The following ACSS2 variants were observed in gnomAD, a reference collection of about 807,000 sequenced individuals.
ACSS2 encodes the protein acetyl-coenzyme A synthetase, cytoplasmic.
Under a neutral mutation model 90.6 loss-of-function variants are expected in ACSS2, and 58 were observed. That is an observed-to-expected ratio of 0.64 (90% CI 0.52 to 0.80). The LOEUF is 0.80. Among genes scored for constraint, ACSS2 ranks in the 30% least tolerant of loss-of-function variants. ACSS2 has a pLI of 0.00. For synonymous variants in ACSS2, 300 were observed against 330.9 expected (o/e 0.91, Z 1.01); for missense variants, 759 against 912.0 (o/e 0.83, Z 2.16).
rs1224684195 is a variant in ACSS2 at position 34,926,214 on chromosome 20, C to T, written c.1836C>T (p.Tyr612=). 2 of 1,614,202 alleles carry T rather than the reference C, an allele frequency of 1.2e-6. No homozygotes were observed. The highest frequency in any genetic ancestry group is 1.1e-5 in the South Asian group (1 of 91,088). The change falls in exon 16 of 18, where the codon TAC becomes TAT. Residue 612 remains tyrosine (Y), a synonymous_variant. Transcript: ENST00000360596. The part of the protein sequence containing the change: ...HPHPVKGECL[Y]CFVTLCDGHT... ...ATCCTGTGAAGGGTGAATGCCTCTA[C>T]TGCTTTGTCACCTTGTGTGATGGCC... is the stretch of plus-strand genomic sequence containing the variant.
chr20:34,901,681 T>C (rs2147035331), intron 2 of ACSS2, among the ~76,000 whole-genome samples: 1 of 152,344 alleles, frequency 6.6e-6, no homozygotes, highest in East Asian at 1.9e-4. Context: ...ATCTCAAAGT[T>C]GGAAGGGCTG....
chr20:34,911,731 G>T (rs1304298521), intron 2 of ACSS2, among the ~76,000 whole-genome samples: 1 of 152,106 alleles, frequency 6.6e-6, no homozygotes, highest in Non-Finnish European at 1.5e-5. Context: ...GGTTATATTT[G>T]TTATTTGTTT....
intron 1 of ACSS2, among the ~76,000 whole-genome samples, chr20:34,881,017 ATTTTTTTTTTTTT>A (rs71761863): frequency 1.3e-5 from 1 of 75,532 alleles, no homozygotes; most frequent in Admixed American, 1.4e-4. Flanking sequence ...TTTCCTCCAA[ATTTTTTTTTTTTT>A]TTTTTTTTTT....
At chr20:34,900,342 T>A (rs968669624) in intron 2 of ACSS2, among the ~76,000 whole-genome samples, 2 of 151,722 alleles carry the variant, frequency 1.3e-5, no homozygotes, top group African/African-American at 4.8e-5. Flanking sequence ...GCTAAATTTT[T>A]TTTTTTTTTT....
At chr20:34,924,861 G>A (rs1249064594) in intron 14 of ACSS2, among the ~76,000 whole-genome samples, 2 of 151,900 alleles carry the variant, frequency 1.3e-5, no homozygotes, top group Non-Finnish European at 2.9e-5. Context: ...CACCATGCCT[G>A]GCTAATTTTT....
chr20:34,921,547 G>A lies in ACSS2; in HGVS notation c.1414G>A (p.Gly472Ser), dbSNP rs1365252670. The change falls in exon 12 of 18, where the codon GGC (glycine) becomes AGC (serine). Residue 472 changes from glycine to serine, a missense_variant. Coordinates refer to ENST00000360596, the MANE Select transcript of ACSS2 (RefSeq NM_018677.4). ...VDTFWQTETG[G>S]HMLTPLPGAT... is the part of the protein sequence containing the mutation. The stretch of plus-strand genomic sequence containing the variant: ...TTCTCATCTCTGACTTCCCCAGGGT[G>A]GCCACATGTTGACTCCCCTTCCTGG... The A allele has an allele frequency of 6.2e-7, 1 of 1,614,222 alleles. No individual in the cohort carries two copies. Among genetic ancestry groups the A allele is most frequent in the Non-Finnish European group, 8.5e-7 (1 of 1,180,042 alleles).
chr20:34,883,062 A>G, intron 2 of ACSS2, 73 bp downstream of exon 2: 1 of 1,202,344 alleles, frequency 8.3e-7, no homozygotes, highest in Non-Finnish European at 1.2e-6. Context: ...CCAGTAGAGT[A>G]AGCAAAGTGT....
At chr20:34,881,723 A>T (rs1447863973) in intron 1 of ACSS2, among the ~76,000 whole-genome samples, 1 of 152,188 alleles carries the variant, frequency 6.6e-6, no homozygotes, top group African/African-American at 2.4e-5. Flanking sequence ...ATCTTGACTT[A>T]GTAATTGTGT....
At chr20:34,884,025 C>T (rs563022887) in intron 2 of ACSS2, among the ~76,000 whole-genome samples, 1 of 152,316 alleles carries the variant, frequency 6.6e-6, no homozygotes, top group African/African-American at 2.4e-5. Flanking sequence ...ACTGCAACCT[C>T]TGCCCTGCCT....
intron 2 of ACSS2, among the ~76,000 whole-genome samples, chr20:34,888,703 A>G (rs921850990): frequency 4.6e-5 from 7 of 152,198 alleles, no homozygotes; most frequent in African/African-American, 1.7e-4. Context: ...GCAGAGTGGG[A>G]GCTGATAAGG....
chr20:34,906,064 G>A (rs906520643), intron 2 of ACSS2, among the ~76,000 whole-genome samples: 6 of 152,174 alleles, frequency 3.9e-5, no homozygotes, highest in Non-Finnish European at 5.9e-5. Flanking sequence ...GGCCGGGCGC[G>A]GTGGCTCACA....
intron 2 of ACSS2, among the ~76,000 whole-genome samples, chr20:34,895,041 T>C (rs890228318): frequency 6.6e-6 from 1 of 152,142 alleles, no homozygotes; most frequent in Admixed American, 6.5e-5. Context: ...AATTCTGATG[T>C]TGGGGGGAGG....
chr20:34,877,881 C>T (rs887956030), intron 1 of ACSS2, among the ~76,000 whole-genome samples: 1 of 134,424 alleles, frequency 7.4e-6, no homozygotes, highest in South Asian at 2.4e-4. Context: ...CCCTTGCCCT[C>T]AGTCTGGGTA....
At chr20:34,899,575 C>A (rs1473722371) in intron 2 of ACSS2, among the ~76,000 whole-genome samples, 1 of 151,320 alleles carries the variant, frequency 6.6e-6, no homozygotes, top group South Asian at 2.1e-4. Context: ...CTGCAACCTC[C>A]GCCTCCCGGG....
chr20:34,911,186 A>ATTTT (rs113927168), intron 2 of ACSS2, among the ~76,000 whole-genome samples: 25 of 130,670 alleles, frequency 1.9e-4, no homozygotes, highest in African/African-American at 2.9e-4. Flanking sequence ...CTCAGCTAAA[A>ATTTT]TTTTTTTTTT....
intron 7 of ACSS2, among the ~76,000 whole-genome samples, chr20:34,915,935 T>C (rs888315265): frequency 2.6e-5 from 4 of 152,152 alleles, no homozygotes; most frequent in Non-Finnish European, 5.9e-5. Context: ...CCCTCTGGGA[T>C]TCAGTTTCCT....
At chr20:34,906,106 C>T (rs1010834064) in intron 2 of ACSS2, among the ~76,000 whole-genome samples, 5 of 152,214 alleles carry the variant, frequency 3.3e-5, no homozygotes, top group East Asian at 1.9e-4. Context: ...GAGGCCGAGG[C>T]GGGTGGATCA....
At chr20:34,907,448 A>C (rs1601339605) in intron 2 of ACSS2, among the ~76,000 whole-genome samples, 1 of 152,226 alleles carries the variant, frequency 6.6e-6, no homozygotes, top group African/African-American at 2.4e-5. Flanking sequence ...GAAGGGGCAC[A>C]CTGTGCACAT....
At chr20:34,915,259 A>G (rs1480015690) in intron 7 of ACSS2, 3 of 1,613,882 alleles carry the variant, frequency 1.9e-6, no homozygotes, top group Admixed American at 1.7e-5. Flanking sequence ...AGCCCCAGGT[A>G]TCCATTTCTG....
Sources: allele counts gnomAD v4.1 joint callset (sites outside exome capture counted in the v4.1 genomes callset), GRCh38; gene constraint gnomAD v4.1.1; transcripts MANE v1.5; gene names NCBI Gene and HGNC (gene_info 2026-07-23, HGNC 2026-07-21).